The following IGF1R variants were observed in gnomAD, a reference collection of about 807,000 sequenced individuals.
IGF1R encodes insulin like growth factor 1 receptor, also known as insulin-like growth factor 1 receptor.
A neutral mutation model predicts 144.6 loss-of-function variants in IGF1R; 44 were observed. The ratio of observed to expected loss-of-function variants is 0.30; its 90% CI spans 0.24 to 0.39. The LOEUF is 0.39. Among genes scored for constraint, IGF1R ranks in the 10% least tolerant of loss-of-function variants. The pLI, the probability that IGF1R is intolerant of heterozygous loss-of-function variation, is 1.00. For missense variants in IGF1R, 1,355 were observed against 1,833.7 expected, an observed-to-expected ratio of 0.74 and a Z score of 4.77; for synonymous variants, 795 against 722.8, an observed-to-expected ratio of 1.10 and a Z score of -1.60.
intron 2 of IGF1R, among the ~76,000 whole-genome samples, chr15:98,736,498 A>G (rs1266566382): frequency 6.6e-6 from 1 of 152,022 alleles, no homozygotes; most frequent in Non-Finnish European, 1.5e-5. Context: ...ACAGGGTGAT[A>G]TCGTAACTTC....
In IGF1R at chr15:98,934,904, G is replaced by A; in HGVS notation, c.3037G>A (p.Val1013Ile). Reference sequence around the variant, plus strand: ...ACTTGGGCAGGGGTCGTTTGGGATGGTCTATGAAGGAGTTGCCAAGGGTGT... The same window carrying A: ...ACTTGGGCAGGGGTCGTTTGGGATGATCTATGAAGGAGTTGCCAAGGGTGT... Reference protein sequence around the residue: ...RELGQGSFGMVYEGVAKGVVK... With the variant: ...RELGQGSFGMIYEGVAKGVVK... The change falls in exon 16 of 21, where the codon GTC becomes ATC. Residue 1013 changes from valine to isoleucine, a missense_variant. Coordinates refer to ENST00000650285, the MANE Select transcript of IGF1R (RefSeq NM_000875.5). The A allele has an allele frequency of 6.2e-7, 1 of 1,614,162 alleles. No individual in the cohort carries two copies. The highest frequency in any genetic ancestry group is 8.5e-7 in the Non-Finnish European group (1 of 1,180,034).
intron 7 of IGF1R, 92 bp downstream of exon 7, chr15:98,911,533 CAG>C (rs2015019544): frequency 1.9e-6 from 3 of 1,554,174 alleles, no homozygotes; most frequent in Non-Finnish European, 2.6e-6. Flanking sequence ...TGGCTGAATA[CAG>C]GGGGTCAGCA....
At chr15:98,929,685 A>G (rs2015865895) in intron 14 of IGF1R, 25 bp downstream of exon 14, 2 of 1,453,980 alleles carry the variant, frequency 1.4e-6, no homozygotes, top group Admixed American at 1.7e-5. Flanking sequence ...AAGTTATGAC[A>G]CTTTCTGTGG....
At chr15:98,686,602 G>A (rs1244579002) in intron 1 of IGF1R, among the ~76,000 whole-genome samples, 1 of 151,874 alleles carries the variant, frequency 6.6e-6, no homozygotes, top group Admixed American at 6.6e-5. Flanking sequence ...TCTAATGGAT[G>A]TGAGGTGGTA....
At chr15:98,764,631 C>T (rs2055390900) in intron 2 of IGF1R, among the ~76,000 whole-genome samples, 2 of 152,154 alleles carry the variant, frequency 1.3e-5, no homozygotes, top group Admixed American at 6.5e-5. Flanking sequence ...CCAATTTAAA[C>T]AATTTGTAGT....
At chr15:98,808,568 C>T (rs1353288831) in intron 2 of IGF1R, among the ~76,000 whole-genome samples, 2 of 152,104 alleles carry the variant, frequency 1.3e-5, no homozygotes, top group African/African-American at 4.8e-5. Context: ...ATTTTCGGTG[C>T]TGGAGCCATA....
At position 98,896,932 on chromosome 15, in the gene IGF1R, C is replaced by T. The variant is rs114021142; in HGVS notation, c.1102+27C>T. On this transcript the variant is annotated intron_variant, in intron 4 of 20. Coordinates refer to ENST00000650285, the MANE Select transcript of IGF1R (RefSeq NM_000875.5). ...TAAGTATTCCATCCCCCTGGAAAAA[C>T]GGCTAGATCTCATGGTTTTCTTTTG... The T allele has an allele frequency of 1.5e-3, 2,491 of 1,611,736 alleles. 32 individuals carry two copies. The African/African-American group carries it at 0.027, about 18-fold the overall frequency.
At chr15:98,875,349 C>T (rs376216774) in intron 2 of IGF1R, among the ~76,000 whole-genome samples, 28 of 130,168 alleles carry the variant, frequency 2.2e-4, no homozygotes, top group Non-Finnish European at 2.8e-4. Context: ...CTTTTCTTTT[C>T]TTTTTTTTTT....
At chr15:98,699,415 C>G (rs1490518110) in intron 1 of IGF1R, among the ~76,000 whole-genome samples, 1 of 152,148 alleles carries the variant, frequency 6.6e-6, no homozygotes, top group Non-Finnish European at 1.5e-5. Context: ...CTTAGAGGCT[C>G]TTCTAAGGGT....
intron 2 of IGF1R, among the ~76,000 whole-genome samples, chr15:98,741,081 T>A (rs2054728637): frequency 6.6e-6 from 1 of 152,188 alleles, no homozygotes. Context: ...GTGTAAATTG[T>A]GGGTTGACTT....
intron 17 of IGF1R, 70 bp from the exon 18 acceptor site, chr15:98,939,131 C>A: frequency 1.5e-6 from 2 of 1,346,628 alleles, no homozygotes; most frequent in Non-Finnish European, 2.1e-6. Flanking sequence ...GATATGCAAA[C>A]CTCGAAAGAA....
At chr15:98,923,734 TG>T in intron 11 of IGF1R, 141 bp from the exon 12 acceptor site, 1 of 714,238 alleles carries the variant, frequency 1.4e-6, no homozygotes, top group Non-Finnish European at 2.5e-6. Context: ...CCCGCGTGGA[TG>T]GGGGCGTTAT....
intron 1 of IGF1R, among the ~76,000 whole-genome samples, chr15:98,653,744 T>C (rs964245761): frequency 1.3e-5 from 2 of 152,262 alleles, no homozygotes; most frequent in African/African-American, 4.8e-5. Context: ...GGTCTTTGTC[T>C]AAGGCTTAGT....
At chr15:98,860,156 C>T (rs1360063935) in intron 2 of IGF1R, among the ~76,000 whole-genome samples, 1 of 152,234 alleles carries the variant, frequency 6.6e-6, no homozygotes, top group Non-Finnish European at 1.5e-5. Flanking sequence ...TTGACTGATC[C>T]TTGACTCTGA....
intron 2 of IGF1R, among the ~76,000 whole-genome samples, chr15:98,774,449 A>C (rs1443880344): frequency 6.6e-6 from 1 of 152,184 alleles, no homozygotes; most frequent in Non-Finnish European, 1.5e-5. Context: ...GGGTTTGACT[A>C]TCGAGTTTAG....
intron 2 of IGF1R, among the ~76,000 whole-genome samples, chr15:98,752,338 G>A (rs2055032553): frequency 6.6e-6 from 1 of 152,114 alleles, no homozygotes; most frequent in Admixed American, 6.5e-5. Flanking sequence ...TGTCTGGGGA[G>A]TCGTTTTCAT....
intron 2 of IGF1R, among the ~76,000 whole-genome samples, chr15:98,860,569 A>G (rs1260705691): frequency 1.3e-5 from 2 of 152,238 alleles, no homozygotes; most frequent in Non-Finnish European, 2.9e-5. Flanking sequence ...TCCAGTGAAT[A>G]TAATTTAGTC....
intron 5 of IGF1R, among the ~76,000 whole-genome samples, chr15:98,905,207 T>C (rs60191902): frequency 0.18 from 27,237 of 152,152 alleles, 3,203 homozygotes; most frequent in East Asian, 0.42. Flanking sequence ...CTCAGGAAGA[T>C]AACCAACTGT....
intron 2 of IGF1R, among the ~76,000 whole-genome samples, chr15:98,847,931 G>A (rs866785068): frequency 1.3e-5 from 2 of 152,112 alleles, no homozygotes; most frequent in African/African-American, 4.8e-5. Context: ...CCAGCCCTCC[G>A]GGAGCTCATT....
Sources: allele counts gnomAD v4.1 joint callset (sites outside exome capture counted in the v4.1 genomes callset), GRCh38; gene constraint gnomAD v4.1.1; transcripts MANE v1.5; gene names NCBI Gene and HGNC (gene_info 2026-07-23, HGNC 2026-07-21).